Variants in PDK2 observed in about 807,000 individuals in gnomAD.
PDK2 encodes the protein pyruvate dehydrogenase kinase, isozyme 2.
PDK2 carries 34 observed loss-of-function variants against 50.4 expected under a neutral mutation model. That is an observed-to-expected ratio of 0.68 (90% confidence interval 0.51 to 0.90). The LOEUF (loss-of-function observed/expected upper bound fraction) is 0.90, where lower values mean the gene tolerates loss of function less well. Ranked by LOEUF, PDK2 falls within the 40% of genes least tolerant of loss-of-function variation. PDK2 has a pLI of 0.00. For missense variants in PDK2, 377 were observed against 544.5 expected (o/e 0.69, Z 3.06); for synonymous variants, 232 against 216.0 (o/e 1.07, Z -0.65).
chr17:50,097,456 C>T lies in PDK2; in HGVS notation c.152C>T (p.Thr51Ile), dbSNP rs777174356. ...SSNACEKTSF[T>I]FLRQELPVRL... ...AATGCCTGTGAGAAAACCTCCTTCA[C>T]CTTCCTCAGGCAGGAGCTGCCTGTG... The change falls in exon 2 of 11, where the codon ACC (threonine) becomes ATC (isoleucine). Residue 51 changes from threonine (T) to isoleucine (I), a missense_variant. Physicochemically the swap from Thr to Ile is moderately conservative, Grantham distance 89. Around this residue, in one of 3 missense-constraint regions of PDK2, gnomAD observed 100 missense variants for 115.5 expected, o/e 0.87. Transcript: ENST00000503176. The T allele has an allele frequency of 6.2e-7, 1 of 1,613,996 alleles. No homozygotes were observed. The highest frequency in any genetic ancestry group is 1.3e-5 in the African/African-American group (1 of 75,036).
rs1555560623 is a variant in PDK2 at position 50,108,767 on chromosome 17, T to TGTC, written c.969+48_969+49insGTC. 26 of 1,027,856 alleles carry TGTC rather than the reference T, an allele frequency of 2.5e-5. No homozygotes were observed. In the African/African-American group the frequency reaches 4.1e-4, roughly 16 times the overall value. 63.7% of individuals were successfully genotyped at this position (1,027,856 alleles called of 1,614,324 possible). ...CCTCCCACCTCCTGAGGGAGGCTTC[T>TGTC]CTCCTCACTCACTTCCTTATCTCCC... On this transcript the variant is annotated intron_variant, in intron 9 of 10. Coordinates refer to ENST00000503176, the MANE Select transcript of PDK2 (RefSeq NM_002611.5).
At position 50,101,534 on chromosome 17, in the gene PDK2, C is replaced by T. The variant is rs1330029869; in HGVS notation, c.261-3837C>T. ...CTCCCCAGCCTTTGCCTTGTTTACA[C>T]CCTGCTCCCCAGCAGCTGTGGATAC... On this transcript the variant is annotated intron_variant, in intron 2 of 10. Transcript: ENST00000503176. This position sits in a 1 kb window ranked among gnomAD's most constrained non-coding sequence, Gnocchi z 4.2. 6.6e-6 allele frequency among the ~76,000 whole-genome samples: 1 copy of T among 152,036 alleles called. No homozygotes were observed. The highest frequency in any genetic ancestry group is 1.9e-4 in the East Asian group (1 of 5,170).
In PDK2 at chr17:50,110,344, C is replaced by A. The variant is rs982282480; in HGVS notation, c.*247C>A. The A allele has an allele frequency of 2.6e-6, 1 of 385,086 alleles. No individual in the cohort carries two copies. The highest frequency in any genetic ancestry group is 4.7e-6 in the Non-Finnish European group (1 of 212,730). The allele number at this position is 385,086 out of a possible 1,614,324, so 23.9% of individuals were successfully genotyped here. ...TGCCTGAGGGTTAGGGATGTCTCCA[C>A]CCTGATGGGGTGTCCCAGAGACATT... On this transcript the variant is annotated 3_prime_UTR_variant, in exon 11 of 11. Coordinates refer to ENST00000503176, the MANE Select transcript of PDK2 (RefSeq NM_002611.5).
Position 50,108,418 on chromosome 17 carries a change from G to T in PDK2, c.861+1G>T, listed in dbSNP as rs1388460198. 1.2e-6 allele frequency: 2 copies of T among 1,610,352 alleles called. No homozygotes were observed. The highest frequency in any genetic ancestry group is 1.3e-5 in the African/African-American group (1 of 74,956). ...GGGTGAGGAAGATCTGTCCATCAAG[G>T]TATGTGACCCTTTGACCTTGGGGAC... On this transcript the variant is annotated splice_donor_variant, in intron 8 of 10. Transcript: ENST00000503176. LOFTEE classifies it high-confidence loss of function.
At chr17:50,106,720 G>A in intron 4 of PDK2, 74 bp from the exon 5 acceptor site, 1 of 1,270,498 alleles carries the variant, frequency 7.9e-7, no homozygotes, top group East Asian at 2.3e-5. Flanking sequence ...GAAAGAGGAG[G>A]AAAGCCCGGG....
At chr17:50,097,001 T>C (rs1003443610) in intron 1 of PDK2, among the ~76,000 whole-genome samples, 1 of 152,192 alleles carries the variant, frequency 6.6e-6, no homozygotes, top group African/African-American at 2.4e-5. Context: ...GAGCCTGCAG[T>C]GGTGGTCTAG....
chr17:50,097,697 C>A, intron 2 of PDK2, 133 bp downstream of exon 2: 1 of 1,064,698 alleles, frequency 9.4e-7, no homozygotes, highest in Non-Finnish European at 1.3e-6. Flanking sequence ...AAGCCCCAAG[C>A]GCTTGGAGTT....
rs1211320282 is a variant in PDK2 at position 50,108,716 on chromosome 17, G to A, written c.966G>A (p.Pro322=). Residue 322 remains proline (P), a synonymous_variant, in exon 9 of 11, where the codon CCG becomes CCA. Transcript: ENST00000503176. ...CCCAGCCTGGCACCGGGGGAACGCC[G>A]CTGGTGAGATGGCTTCACCCCAGCC... ...PTPQPGTGGT[P]LAGFGYGLPI... is the part of the protein sequence containing the mutation. 5.0e-6 allele frequency: 8 copies of A among 1,602,762 alleles called. No individual in the cohort carries two copies. The highest frequency in any genetic ancestry group is 1.3e-5 in the African/African-American group (1 of 74,590).
rs371203768 is a variant in PDK2 at position 50,110,146 on chromosome 17, C to T, written c.*49C>T. The T allele has an allele frequency of 2.6e-6, 4 of 1,523,252 alleles. No homozygotes were observed. Among genetic ancestry groups the T allele is most frequent in the Non-Finnish European group, 3.5e-6 (4 of 1,128,498 alleles). 94.4% of individuals were successfully genotyped at this position (1,523,252 alleles called of 1,614,324 possible). A position where few individuals can be genotyped will look rare whatever the true frequency, so the allele number is the denominator to read the frequency against. On this transcript the variant is annotated 3_prime_UTR_variant, in exon 11 of 11. Transcript: ENST00000503176. ...AGAGGACGGACTGCCGCCTCTGGGT[C>T]CCCCCACCGTGGTGCCCCTCACCAT...
In PDK2 at chr17:50,110,328, G is replaced by A. The variant is rs752354363; in HGVS notation, c.*231G>A. 13 of 424,496 alleles carry A rather than the reference G, an allele frequency of 3.1e-5. No homozygotes were observed. The highest frequency in any genetic ancestry group is 5.1e-5 in the Non-Finnish European group (12 of 236,646). 26.3% of individuals were successfully genotyped at this position (424,496 alleles called of 1,614,324 possible). On this transcript the variant is annotated 3_prime_UTR_variant, in exon 11 of 11. Transcript: ENST00000503176. ...CTATCTCTGTGGGCGATGCCTGAGG[G>A]TTAGGGATGTCTCCACCCTGATGGG...
At chr17:50,100,784 C>T (rs1175409291) in intron 2 of PDK2, 1 of 152,174 alleles carries the variant, frequency 6.6e-6, no homozygotes, top group South Asian at 2.1e-4. Flanking sequence ...AGAACCTTAT[C>T]TGAGATCACC....
chr17:50,101,636 G>C lies in PDK2; in HGVS notation c.261-3735G>C, dbSNP rs946305190. Among the ~76,000 whole-genome samples, 5 of 151,974 alleles carry C rather than the reference G, an allele frequency of 3.3e-5. No homozygotes were observed. The highest frequency in any genetic ancestry group is 5.9e-5 in the Non-Finnish European group (4 of 67,984). On this transcript the variant is annotated intron_variant, in intron 2 of 10. Transcript: ENST00000503176. This position sits in a 1 kb window ranked among gnomAD's most constrained non-coding sequence, Gnocchi z 4.2. ...TGCACACAATTACACACACTCCCCC[G>C]CTGGCTCAGCACCCCCTCTGCTCCC...
At chr17:50,102,174 G>A (rs1910267060) in intron 2 of PDK2, among the ~76,000 whole-genome samples, 2 of 152,274 alleles carry the variant, frequency 1.3e-5, no homozygotes, top group South Asian at 2.1e-4. Flanking sequence ...GGGGCTTCAG[G>A]GCAAGGCCAG....
chr17:50,101,560 G>A lies in PDK2; in HGVS notation c.261-3811G>A, dbSNP rs980620554. On this transcript the variant is annotated intron_variant, in intron 2 of 10. Coordinates refer to ENST00000503176, the MANE Select transcript of PDK2 (RefSeq NM_002611.5). This position sits in a 1 kb window ranked among gnomAD's most constrained non-coding sequence, Gnocchi z 4.2. ...CCTGCTCCCCAGCAGCTGTGGATACGAGTGCACAGGGCACACCCTCGCACA... is the reference window on the plus strand; with the variant it reads ...CCTGCTCCCCAGCAGCTGTGGATACAAGTGCACAGGGCACACCCTCGCACA... Among the ~76,000 whole-genome samples, 5 of 151,842 alleles carry A rather than the reference G, an allele frequency of 3.3e-5. No homozygotes were observed. The highest frequency in any genetic ancestry group is 3.3e-4 in the Admixed American group (5 of 15,272).
chr17:50,105,178 A>G (rs1910440967), intron 2 of PDK2, 193 bp from the exon 3 acceptor site: 2 of 480,802 alleles, frequency 4.2e-6, no homozygotes, highest in Non-Finnish European at 7.4e-6. Context: ...GTTTTCTTGC[A>G]TAACTGACTG....
rs754370994 is a variant in PDK2 at position 50,105,836 on chromosome 17, G to A, written c.333-49G>A. Reference sequence around the variant, plus strand: ...CACCGTGGAGAGGGGAGTCAGAAGCGGAGAAGAGTCTGGGGGTGTCCCATG... The same window carrying A: ...CACCGTGGAGAGGGGAGTCAGAAGCAGAGAAGAGTCTGGGGGTGTCCCATG... On this transcript the variant is annotated intron_variant, in intron 3 of 10. Transcript: ENST00000503176. 9.9e-5 allele frequency: 158 copies of A among 1,589,986 alleles called. No individual in the cohort carries two copies. The South Asian group carries it at 1.1e-3, about 11-fold the overall frequency.
intron 9 of PDK2, 94 bp downstream of exon 9, chr17:50,108,813 G>GA: frequency 1.3e-6 from 1 of 775,860 alleles, no homozygotes; most frequent in Non-Finnish European, 2.2e-6. Context: ...GCTTCTGTGT[G>GA]GCCGTCTGTG....
chr17:50,106,017 G>C lies in PDK2; in HGVS notation c.465G>C (p.Leu155=). Residue 155 remains leucine (L), a synonymous_variant, in exon 4 of 11, where the codon CTG becomes CTC. Coordinates refer to ENST00000503176, the MANE Select transcript of PDK2 (RefSeq NM_002611.5). Reference sequence around the variant, plus strand: ...CCAACCAGAACATCCAGTACTTCCTGGACCGCTTCTACCTCAGCCGCATCT... The same window carrying C: ...CCAACCAGAACATCCAGTACTTCCTCGACCGCTTCTACCTCAGCCGCATCT... ...PVSNQNIQYF[L]DRFYLSRISI... 6.2e-7 allele frequency: 1 copy of C among 1,609,838 alleles called. No homozygotes were observed. The highest frequency in any genetic ancestry group is 8.5e-7 in the Non-Finnish European group (1 of 1,178,200).
At chr17:50,094,900 T>TTCA, upstream of PDK2, 1 of 151,276 alleles carries the variant, frequency 6.6e-6, no homozygotes, top group Non-Finnish European at 1.5e-5. Flanking sequence ...GGAGGATAGG[T>TTCA]AACGATCATG....
Sources: allele counts gnomAD v4.1 joint callset (sites outside exome capture counted in the v4.1 genomes callset), GRCh38; gene constraint gnomAD v4.1.1; regional missense constraint gnomAD v4.1.1; non-coding constraint Gnocchi (gnomAD v3.1); transcripts MANE v1.5; gene names NCBI Gene and HGNC (gene_info 2026-07-23, HGNC 2026-07-21).